The following PTPRD variants were observed in gnomAD, a reference collection of about 807,000 sequenced individuals.
PTPRD encodes the protein protein tyrosine phosphatase receptor type D.
PTPRD carries 34 observed loss-of-function variants against 214.5 expected under a neutral mutation model. The observed-to-expected ratio is 0.16, with a 90% CI of 0.12 to 0.21. The LOEUF (loss-of-function observed/expected upper bound fraction) is 0.21. PTPRD is among the 10% of genes least tolerant of loss of function. The probability of loss-of-function intolerance (pLI) is 1.00; values close to 1 mark genes in which losing one functional copy is unlikely to be tolerated. For missense variants in PTPRD, 2,545 were observed against 2,398.7 expected (o/e 1.06, Z -1.27); for synonymous variants, 1,128 against 845.7 (o/e 1.33, Z -5.79).
chr9:8,614,840 C>G (rs1015610756), intron 14 of PTPRD, among the ~76,000 whole-genome samples: 1 of 152,040 alleles, frequency 6.6e-6, no homozygotes, highest in Admixed American at 6.6e-5. Context: ...CTGACTAGTC[C>G]TCATATTTCA....
intron 7 of PTPRD, among the ~76,000 whole-genome samples, chr9:9,706,517 G>C (rs536651767): frequency 2.6e-4 from 40 of 151,608 alleles, no homozygotes; most frequent in African/African-American, 9.4e-4. Context: ...TTGGCTCACT[G>C]CAACCTCCAC....
intron 11 of PTPRD, among the ~76,000 whole-genome samples, chr9:8,917,971 T>C (rs187539586): frequency 6.6e-6 from 1 of 151,970 alleles, no homozygotes; most frequent in Non-Finnish European, 1.5e-5. Flanking sequence ...GGATGGGAGG[T>C]GTATTTTTAA....
chr9:10,284,364 T>C (rs1318090831), intron 3 of PTPRD, among the ~76,000 whole-genome samples: 2 of 152,170 alleles, frequency 1.3e-5, no homozygotes, highest in Non-Finnish European at 2.9e-5. Flanking sequence ...TAAAAGTTTG[T>C]TTTTAATGTT....
intron 5 of PTPRD, among the ~76,000 whole-genome samples, chr9:9,785,516 A>C (rs1278535582): frequency 6.6e-6 from 1 of 152,106 alleles, no homozygotes. Context: ...TAAATATTAC[A>C]TAAACCAAAG....
At position 9,404,672 on chromosome 9, in the gene PTPRD, G is replaced by T. The variant is rs142064699; in HGVS notation, c.-236-7190C>A. ...ACAAGTGTCAAGTAGGAAGTTGGAT[G>T]CGGAAACCTATAGTTCAGTGGAGAG... On this transcript the variant is annotated intron_variant, in intron 8 of 45. Coordinates refer to ENST00000381196, the MANE Select transcript of PTPRD (RefSeq NM_002839.4). Among the ~76,000 whole-genome samples the T allele has an allele frequency of 2.6e-5, 4 of 152,072 alleles. No homozygotes were observed. In the South Asian group the frequency reaches 8.3e-4, roughly 31 times the overall value.
chr9:10,411,072 C>T (rs532366899), intron 2 of PTPRD, among the ~76,000 whole-genome samples: 2 of 151,808 alleles, frequency 1.3e-5, no homozygotes, highest in African/African-American at 4.8e-5. Flanking sequence ...TTGCCTGTTA[C>T]CTTTTTAAAT....
At chr9:10,023,055 A>C (rs1263775971) in intron 4 of PTPRD, among the ~76,000 whole-genome samples, 1 of 152,194 alleles carries the variant, frequency 6.6e-6, no homozygotes, top group Non-Finnish European at 1.5e-5. Context: ...ATAATATTTT[A>C]CCTATTTTTA....
At chr9:10,247,364 G>A (rs1202326404) in intron 3 of PTPRD, among the ~76,000 whole-genome samples, 2 of 152,140 alleles carry the variant, frequency 1.3e-5, no homozygotes, top group Non-Finnish European at 2.9e-5. Flanking sequence ...ATTAAAATAA[G>A]AAGATCCCTA....
At chr9:9,450,534 T>C (rs118043207) in intron 8 of PTPRD, among the ~76,000 whole-genome samples, 1,793 of 152,038 alleles carry the variant, frequency 0.012, 7 homozygotes, top group Non-Finnish European at 0.018. Context: ...ATCAGGAATA[T>C]ATACCAGAAT....
intron 44 of PTPRD, among the ~76,000 whole-genome samples, chr9:8,325,122 T>C (rs1216256081): frequency 2.0e-5 from 3 of 149,410 alleles, no homozygotes; most frequent in South Asian, 2.1e-4. Context: ...TTTGCCACTT[T>C]TGGCTTTAGT....
intron 8 of PTPRD, among the ~76,000 whole-genome samples, chr9:9,517,820 C>T (rs1289721547): frequency 4.6e-5 from 7 of 151,816 alleles, no homozygotes; most frequent in Non-Finnish European, 1.5e-5. Context: ...TTCAAACCAC[C>T]TGGGGTGAAT....
chr9:9,220,708 A>G (rs544505489), intron 9 of PTPRD, among the ~76,000 whole-genome samples: 2 of 152,236 alleles, frequency 1.3e-5, no homozygotes, highest in South Asian at 2.1e-4. Flanking sequence ...CATTTGACAT[A>G]TACTGTAAAA....
chr9:9,332,236 G>A (rs1017361071), intron 9 of PTPRD, among the ~76,000 whole-genome samples: 2 of 147,044 alleles, frequency 1.4e-5, no homozygotes, highest in Non-Finnish European at 3.0e-5. Context: ...CAATTTAGCA[G>A]GTGGAGAGAG....
intron 6 of PTPRD, among the ~76,000 whole-genome samples, chr9:9,753,216 C>A (rs1036479903): frequency 6.6e-6 from 1 of 152,016 alleles, no homozygotes; most frequent in Non-Finnish European, 1.5e-5. Flanking sequence ...GGGCCCAGTA[C>A]AGAATCTATT....
chr9:8,776,808 A>C (rs904495078), intron 11 of PTPRD, among the ~76,000 whole-genome samples: 1 of 147,470 alleles, frequency 6.8e-6, no homozygotes, highest in East Asian at 2.0e-4. Context: ...TATATTATAT[A>C]TGTATAATAT....
At chr9:9,963,532 A>C (rs562032796) in intron 4 of PTPRD, among the ~76,000 whole-genome samples, 13 of 152,222 alleles carry the variant, frequency 8.5e-5, no homozygotes, top group Non-Finnish European at 1.9e-4. Flanking sequence ...ATCATCGAAT[A>C]AATCAAGGAA....
At chr9:9,058,748 C>T (rs1210071751) in intron 10 of PTPRD, among the ~76,000 whole-genome samples, 1 of 151,568 alleles carries the variant, frequency 6.6e-6, no homozygotes, top group African/African-American at 2.4e-5. Flanking sequence ...CGCGCCCGGC[C>T]GAGGGTTTTT....
chr9:10,131,312 T>C (rs1471380632), intron 3 of PTPRD, among the ~76,000 whole-genome samples: 4 of 152,142 alleles, frequency 2.6e-5, no homozygotes, highest in Non-Finnish European at 5.9e-5. Context: ...GTAACTTTTA[T>C]GCATCAGCAT....
chr9:10,607,032 T>C (rs1478263501), intron 2 of PTPRD, among the ~76,000 whole-genome samples: 1 of 151,906 alleles, frequency 6.6e-6, no homozygotes, highest in Non-Finnish European at 1.5e-5. Context: ...TATGCAATGA[T>C]TCATACAAGG....
Sources: gnomAD v4.1 joint callset for allele counts (sites outside exome capture counted in the v4.1 genomes callset) on GRCh38, gnomAD v4.1.1 for gene constraint, MANE v1.5 for transcripts, NCBI Gene and HGNC (gene_info 2026-07-23, HGNC 2026-07-21) for gene names.